MAP3K5: variants seen among roughly 807,000 people sequenced by gnomAD.
MAP3K5 encodes mitogen-activated protein kinase kinase kinase 5.
A neutral mutation model predicts 158.7 loss-of-function variants in MAP3K5; 56 were observed. The ratio of observed to expected loss-of-function variants is 0.35; its 90% CI spans 0.28 to 0.44. The LOEUF (loss-of-function observed/expected upper bound fraction) is 0.44, where lower values mean the gene tolerates loss of function less well. Ranked by LOEUF, MAP3K5 falls within the 20% of genes least tolerant of loss-of-function variation. The pLI is 1.00. For synonymous variants in MAP3K5, 579 were observed against 601.7 expected (o/e 0.96, Z 0.55); for missense variants, 1,294 against 1,674.8 (o/e 0.77, Z 3.97).
chr6:136,669,714 A>G (rs1459794818), intron 7 of MAP3K5, among the ~76,000 whole-genome samples: 1 of 152,208 alleles, frequency 6.6e-6, no homozygotes, highest in African/African-American at 2.4e-5. Context: ...TACAAGATGA[A>G]AAATTACTCT....
At chr6:136,636,573 G>T (rs1740642614) in intron 14 of MAP3K5, among the ~76,000 whole-genome samples, 1 of 152,170 alleles carries the variant, frequency 6.6e-6, no homozygotes, top group Admixed American at 6.5e-5. Context: ...ACACACTCCA[G>T]CATTGGTCCT....
chr6:136,659,746 G>A (rs749138367), intron 8 of MAP3K5, among the ~76,000 whole-genome samples: 6 of 152,184 alleles, frequency 3.9e-5, no homozygotes, highest in Admixed American at 2.6e-4. Context: ...ATAGTTTAAC[G>A]TGTACAGAGT....
chr6:136,771,972 T>C (rs953481637), intron 1 of MAP3K5, among the ~76,000 whole-genome samples: 1 of 151,868 alleles, frequency 6.6e-6, no homozygotes, highest in Non-Finnish European at 1.5e-5. Flanking sequence ...CAGGCTGGAG[T>C]GCAGTGGCTC....
intron 21 of MAP3K5, among the ~76,000 whole-genome samples, chr6:136,595,735 G>A (rs962455571): frequency 5.3e-5 from 8 of 152,306 alleles, no homozygotes; most frequent in African/African-American, 1.4e-4. Flanking sequence ...GCAATTGGGC[G>A]GCTGGGCGCG....
Position 136,557,613 on chromosome 6 carries a change from G to GTTTT in MAP3K5, c.*141_*144dup. 9 of 475,506 alleles carry GTTTT rather than the reference G, an allele frequency of 1.9e-5. No individual in the cohort carries two copies. Among genetic ancestry groups the GTTTT allele is most frequent in the Admixed American group, 3.8e-5 (1 of 26,156 alleles). 29.5% of individuals were successfully genotyped at this position (475,506 alleles called of 1,614,324 possible). On this transcript the variant is annotated 3_prime_UTR_variant, in exon 30 of 30. Transcript: ENST00000359015. ...TAGGAAATTTCAGTGTGTTTTGTCT[G>GTTTT]TTTTTTTTTTTTTTAACATGAGTAA...
chr6:136,777,678 G>T (rs1018248497), intron 1 of MAP3K5, among the ~76,000 whole-genome samples: 2 of 152,198 alleles, frequency 1.3e-5, no homozygotes, highest in African/African-American at 4.8e-5. Flanking sequence ...AGGTAGCCCA[G>T]ATTTCTCCAT....
At chr6:136,597,387 G>C (rs1428422950) in intron 21 of MAP3K5, among the ~76,000 whole-genome samples, 1 of 152,118 alleles carries the variant, frequency 6.6e-6, no homozygotes, top group Non-Finnish European at 1.5e-5. Flanking sequence ...TGCTGTGAGG[G>C]TGGCCTCAGA....
intron 12 of MAP3K5, among the ~76,000 whole-genome samples, chr6:136,640,565 C>T (rs929934008): frequency 6.6e-6 from 1 of 152,178 alleles, no homozygotes; most frequent in Non-Finnish European, 1.5e-5. Context: ...CTTCCTCTTA[C>T]ACCTGTGTCC....
At chr6:136,734,721 GT>G (rs1433673376) in intron 1 of MAP3K5, among the ~76,000 whole-genome samples, 2 of 152,038 alleles carry the variant, frequency 1.3e-5, no homozygotes, top group Non-Finnish European at 1.5e-5. Context: ...TATGTCATTT[GT>G]TTTTTTGGTC....
rs373299908 is a variant in MAP3K5 at position 136,788,826 on chromosome 6, G to A, written c.448+2884C>T. Among the ~76,000 whole-genome samples the A allele has an allele frequency of 2.7e-4, 41 of 152,312 alleles. 1 individual carries two copies. In the East Asian group the frequency reaches 5.8e-3, roughly 21 times the overall value. The stretch of plus-strand genomic sequence containing the variant: ...GAGAATGTAAATTTGTCCTGCCACC[G>A]TGGAAAGTAATTTGGAGAGTTCTCA... On this transcript the variant is annotated intron_variant, in intron 1 of 29. Transcript: ENST00000359015.
intron 10 of MAP3K5, 80 bp downstream of exon 10, chr6:136,656,227 C>T (rs1778738608): frequency 2.3e-6 from 3 of 1,284,066 alleles, no homozygotes; most frequent in African/African-American, 3.0e-5. Flanking sequence ...AAAAATCAGC[C>T]CCCAAGCACT....
intron 24 of MAP3K5, among the ~76,000 whole-genome samples, chr6:136,582,021 T>G (rs546352011): frequency 6.6e-6 from 1 of 151,932 alleles, no homozygotes; most frequent in South Asian, 2.1e-4. Context: ...AGGCAGAGGT[T>G]GCAGTGACCT....
At chr6:136,669,693 A>C (rs1299094231) in intron 7 of MAP3K5, among the ~76,000 whole-genome samples, 1 of 152,204 alleles carries the variant, frequency 6.6e-6, no homozygotes, top group Non-Finnish European at 1.5e-5. Context: ...TTTAGTTACA[A>C]GGGCATTTGT....
chr6:136,605,631 T>C (rs1210431386), intron 18 of MAP3K5, among the ~76,000 whole-genome samples: 1 of 152,200 alleles, frequency 6.6e-6, no homozygotes, highest in African/African-American at 2.4e-5. Context: ...CCCTAGACAG[T>C]GGAGTATAAG....
chr6:136,727,323 T>G (rs1298974964), intron 1 of MAP3K5, among the ~76,000 whole-genome samples: 1 of 152,240 alleles, frequency 6.6e-6, no homozygotes, highest in Non-Finnish European at 1.5e-5. Context: ...TTTCAAATAT[T>G]AACTCAATCT....
At chr6:136,683,930 G>T (rs1190885604) in intron 7 of MAP3K5, among the ~76,000 whole-genome samples, 1 of 152,164 alleles carries the variant, frequency 6.6e-6, no homozygotes, top group Non-Finnish European at 1.5e-5. Context: ...AATTTCATCA[G>T]TTGCAAAATG....
chr6:136,769,738 G>GGGAAGGAAGGAAGGAAGGAA (rs1209835950), intron 1 of MAP3K5, among the ~76,000 whole-genome samples: 10 of 52,310 alleles, frequency 1.9e-4, no homozygotes, highest in African/African-American at 4.8e-4. Context: ...AAGGGAGGAA[G>GGGAAGGAAGGAAGGAAGGAA]GGAAGGAAGG....
chr6:136,770,256 T>C (rs1378719566), intron 1 of MAP3K5, among the ~76,000 whole-genome samples: 3 of 152,164 alleles, frequency 2.0e-5, no homozygotes, highest in Non-Finnish European at 4.4e-5. Context: ...ACAAATTATA[T>C]TACAGTATAA....
chr6:136,664,311 A>C (rs1779134516), intron 8 of MAP3K5, among the ~76,000 whole-genome samples: 1 of 152,130 alleles, frequency 6.6e-6, no homozygotes, highest in African/African-American at 2.4e-5. Flanking sequence ...ATCTAGTTGC[A>C]GGGAAACAAG....
Sources: gnomAD v4.1 joint callset for allele counts (sites outside exome capture counted in the v4.1 genomes callset) on GRCh38, gnomAD v4.1.1 for gene constraint, MANE v1.5 for transcripts, NCBI Gene and HGNC (gene_info 2026-07-23, HGNC 2026-07-21) for gene names.